ATP1A4: variants seen among roughly 807,000 people sequenced by gnomAD.
ATP1A4 encodes the protein ATPase Na+/K+ transporting subunit alpha 4, also known as sodium/potassium-transporting ATPase subunit alpha-4.
ATP1A4 carries 90 observed loss-of-function variants against 114.3 expected under a neutral mutation model. The ratio of observed to expected loss-of-function variants is 0.79; its 90% confidence interval spans 0.66 to 0.94. The LOEUF is 0.94. Ranked by LOEUF, ATP1A4 falls within the 40% of genes least tolerant of loss-of-function variation. The probability of loss-of-function intolerance (pLI) is 0.00; values close to 1 mark genes in which losing one functional copy is unlikely to be tolerated. For synonymous variants in ATP1A4, 511 were observed against 494.1 expected, an observed-to-expected ratio of 1.03 and a Z score of -0.45; for missense variants, 1,222 against 1,313.6, an observed-to-expected ratio of 0.93 and a Z score of 1.08.
intron 18 of ATP1A4, among the ~76,000 whole-genome samples, chr1:160,179,970 A>G (rs1158969461): frequency 1.3e-5 from 2 of 152,236 alleles, no homozygotes; most frequent in Non-Finnish European, 2.9e-5. Context: ...AAAGGATAAT[A>G]TCTAGAGTTT....
chr1:160,156,056 C>A lies in ATP1A4; in HGVS notation c.423C>A (p.Ser141Arg). 3.7e-6 allele frequency: 6 copies of A among 1,611,294 alleles called. No homozygotes were observed. Among genetic ancestry groups the A allele is most frequent in the Non-Finnish European group, 5.1e-6 (6 of 1,177,448 alleles). The stretch of plus-strand genomic sequence containing the variant: ...TTCCCCACCCTCAGCTCTACCTGAG[C>A]ATCGTACTGTCCGTCGTGGTCATCG... ...EEPTKDNLYL[S>R]IVLSVVVIVT... Residue 141 changes from serine (S) to arginine (R), a missense_variant, in exon 4 of 22, where the codon AGC (serine) becomes AGA (arginine). By Grantham distance (110) the Ser-to-Arg change is moderately radical. Transcript: ENST00000368081.
chr1:160,157,503 C>T (rs1053616401), intron 4 of ATP1A4, among the ~76,000 whole-genome samples: 3 of 152,112 alleles, frequency 2.0e-5, no homozygotes, highest in Non-Finnish European at 2.9e-5. Context: ...AAAGATAATG[C>T]GTTAAAGGAT....
chr1:160,164,067 C>T, intron 6 of ATP1A4, 89 bp from the exon 7 acceptor site: 2 of 1,502,426 alleles, frequency 1.3e-6, no homozygotes, highest in Non-Finnish European at 1.8e-6. Context: ...TTTTTAGAAG[C>T]TCTATGTCAG....
At position 160,164,432 on chromosome 1, in the gene ATP1A4, G is replaced by A. The variant is rs754521860; in HGVS notation, c.1047+8G>A. 6.2e-7 allele frequency: 1 copy of A among 1,613,332 alleles called. No individual in the cohort carries two copies. Among genetic ancestry groups the A allele is most frequent in the Non-Finnish European group, 8.5e-7 (1 of 1,179,464 alleles). On this transcript the variant is annotated splice_region_variant and intron_variant, in intron 7 of 21. Coordinates refer to ENST00000368081, the MANE Select transcript of ATP1A4 (RefSeq NM_144699.4). ...CTGTTGGCCACAGTCACTGTGAGTA[G>A]ACAGGGTGGAAAATGGCCTCAGGGC...
chr1:160,181,307 C>G (rs1221310673), intron 18 of ATP1A4, among the ~76,000 whole-genome samples: 2 of 152,102 alleles, frequency 1.3e-5, no homozygotes, highest in Non-Finnish European at 2.9e-5. Context: ...ATTCCCAGCA[C>G]TTTGGGAAGC....
intron 7 of ATP1A4, among the ~76,000 whole-genome samples, chr1:160,165,693 G>A (rs890478423): frequency 4.6e-5 from 7 of 152,118 alleles, no homozygotes; most frequent in African/African-American, 1.7e-4. Context: ...AACCTGGGAC[G>A]TGGAGTTTGC....
chr1:160,157,477 G>GT (rs1652711819), intron 4 of ATP1A4, among the ~76,000 whole-genome samples: 1 of 152,190 alleles, frequency 6.6e-6, no homozygotes, highest in African/African-American at 2.4e-5. Flanking sequence ...TTAGGACAAT[G>GT]TCCTCCAGCT....
Position 160,173,716 on chromosome 1 carries a change from A to G in ATP1A4, c.1990A>G (p.Ser664Gly). The change falls in exon 13 of 22, where the codon AGT (serine) becomes GGT (glycine). Residue 664 changes from serine (S) to glycine (G), a missense_variant and splice_region_variant. Transcript: ENST00000368081. ...LKIPISKVDA[S>G]AAKAIVVHGA... ...GATCCCTATCAGCAAGGTCGATGCC[A>G]GGTGAGATCACTAAAGAACTCAAGA... The G allele has an allele frequency of 6.2e-7, 1 of 1,614,080 alleles. No homozygotes were observed. The highest frequency in any genetic ancestry group is 8.5e-7 in the Non-Finnish European group (1 of 1,179,948).
intron 20 of ATP1A4, 132 bp from the exon 21 acceptor site, chr1:160,186,144 C>T: frequency 1.7e-6 from 1 of 597,974 alleles, no homozygotes; most frequent in Non-Finnish European, 3.1e-6. Flanking sequence ...GCACTGTCTC[C>T]AGCACCCAGC....
At chr1:160,178,391 A>T (rs938514817) in intron 18 of ATP1A4, among the ~76,000 whole-genome samples, 8 of 145,636 alleles carry the variant, frequency 5.5e-5, no homozygotes. Context: ...AAAATTTGAA[A>T]ACCAGCTGGG....
At chr1:160,172,891 G>T (rs979527856) in intron 12 of ATP1A4, among the ~76,000 whole-genome samples, 4 of 152,166 alleles carry the variant, frequency 2.6e-5, no homozygotes, top group African/African-American at 9.7e-5. Flanking sequence ...TTTGTTGATG[G>T]CTTACTATGT....
intron 18 of ATP1A4, among the ~76,000 whole-genome samples, chr1:160,178,890 T>G (rs1240915807): frequency 6.6e-6 from 1 of 152,202 alleles, no homozygotes; most frequent in East Asian, 1.9e-4. Context: ...CCTGTCCCAA[T>G]TTCTAAGACA....
chr1:160,165,506 TC>T (rs1361692738), intron 7 of ATP1A4, among the ~76,000 whole-genome samples: 2 of 152,196 alleles, frequency 1.3e-5, no homozygotes, highest in East Asian at 3.8e-4. Flanking sequence ...ACACCTGTAA[TC>T]CCAGCACTTT....
chr1:160,173,438 G>T (rs1306991502), intron 12 of ATP1A4, 143 bp from the exon 13 acceptor site: 10 of 1,152,070 alleles, frequency 8.7e-6, no homozygotes, highest in Non-Finnish European at 1.2e-6. Context: ...CATGGTTTTT[G>T]GTCTACACCA....
At chr1:160,155,494 A>G (rs559834807) in intron 3 of ATP1A4, among the ~76,000 whole-genome samples, 1 of 152,190 alleles carries the variant, frequency 6.6e-6, no homozygotes, top group Non-Finnish European at 1.5e-5. Flanking sequence ...AATGTACATT[A>G]ATGTAATAAA....
Position 160,186,911 on chromosome 1 carries a change from A to AG in ATP1A4, c.*215dup, listed in dbSNP as rs1653914579. ...AGCCTGCATCTAGCTGGAGCCCCGC[A>AG]GGGAGGGGCATGGTCCTGCTGAATC... On this transcript the variant is annotated 3_prime_UTR_variant, in exon 22 of 22. Transcript: ENST00000368081. 6 of 625,252 alleles carry AG rather than the reference A, an allele frequency of 9.6e-6. No homozygotes were observed. Among genetic ancestry groups the AG allele is most frequent in the Non-Finnish European group, 1.7e-5 (6 of 348,598 alleles). 38.7% of individuals were successfully genotyped at this position (625,252 alleles called of 1,614,324 possible). A position where few individuals can be genotyped will look rare whatever the true frequency, so the allele number is the denominator to read the frequency against.
At chr1:160,155,981 A>T (rs2102010051) in intron 3 of ATP1A4, 64 bp from the exon 4 acceptor site, 1 of 1,015,742 alleles carries the variant, frequency 9.8e-7, no homozygotes, top group East Asian at 2.4e-5. Context: ...TTGCAGACTG[A>T]TTTTCTGAGG....
chr1:160,156,622 C>G (rs1311127983), intron 4 of ATP1A4, among the ~76,000 whole-genome samples: 1 of 151,874 alleles, frequency 6.6e-6, no homozygotes, highest in African/African-American at 2.4e-5. Context: ...CAGGATCACC[C>G]AGGAGTTTGA....
chr1:160,167,568 A>AC, intron 10 of ATP1A4, 156 bp downstream of exon 10: 1 of 1,025,142 alleles, frequency 9.8e-7, no homozygotes, highest in East Asian at 2.5e-5. Flanking sequence ...CATCAAGAGA[A>AC]CGTGACAAAC....
Sources: allele counts gnomAD v4.1 joint callset (sites outside exome capture counted in the v4.1 genomes callset), GRCh38; gene constraint gnomAD v4.1.1; transcripts MANE v1.5; gene names NCBI Gene and HGNC (gene_info 2026-07-23, HGNC 2026-07-21).